The following PCSK6 variants were observed in gnomAD, a reference collection of about 807,000 sequenced individuals.
PCSK6 encodes the protein proprotein convertase subtilisin/kexin type 6.
A neutral mutation model predicts 123.3 loss-of-function variants in PCSK6; 85 were observed. The observed-to-expected ratio is 0.69, with a 90% CI of 0.58 to 0.83. The LOEUF (loss-of-function observed/expected upper bound fraction) is 0.83, where lower values mean the gene tolerates loss of function less well. PCSK6 is among the 40% of genes least tolerant of loss of function. PCSK6 has a pLI of 0.00. For missense variants in PCSK6, 1,191 were observed against 1,282.3 expected (o/e 0.93, Z 1.09); for synonymous variants, 508 against 516.0 (o/e 0.98, Z 0.21).
chr15:101,482,846 GC>G (rs1210638106), intron 1 of PCSK6, among the ~76,000 whole-genome samples: 1 of 152,162 alleles, frequency 6.6e-6, no homozygotes, highest in Non-Finnish European at 1.5e-5. Context: ...TTCTGAGTCT[GC>G]CCTGGATGCT....
At chr15:101,393,701 C>G (rs557365837) in intron 7 of PCSK6, among the ~76,000 whole-genome samples, 5 of 152,296 alleles carry the variant, frequency 3.3e-5, no homozygotes, top group African/African-American at 1.2e-4. Context: ...ACAGGAAAAT[C>G]AAGGGTCCCA....
At chr15:101,338,186 C>A (rs1176182180) in intron 13 of PCSK6, among the ~76,000 whole-genome samples, 1 of 152,204 alleles carries the variant, frequency 6.6e-6, no homozygotes, top group African/African-American at 2.4e-5. Context: ...ATAAGAATCA[C>A]CCCCTCTACA....
At position 101,427,811 on chromosome 15, in the gene PCSK6, T is replaced by C. The variant is rs537840107; in HGVS notation, c.823+81A>G. 3,629 of 1,126,372 alleles carry C rather than the reference T, an allele frequency of 3.2e-3. 118 individuals are homozygous for C. In the South Asian group the frequency reaches 0.047, roughly 15 times the overall value. 69.8% of individuals were successfully genotyped at this position (1,126,372 alleles called of 1,614,324 possible). On this transcript the variant is annotated intron_variant, in intron 6 of 21. Transcript: ENST00000611716. ...TGGCCAAAGCCAAAAAACAGGAGGC[T>C]GCTGAGACCAGCGGACAGGGAGCTC...
rs563775961 is a variant in PCSK6 at position 101,465,606 on chromosome 15, G to A, written c.298-21946C>T. Among the ~76,000 whole-genome samples, 426 of 152,248 alleles carry A rather than the reference G, an allele frequency of 2.8e-3. 3 individuals are homozygous for A. Among genetic ancestry groups the A allele is most frequent in the African/African-American group, 9.2e-3 (384 of 41,544 alleles). On this transcript the variant is annotated intron_variant, in intron 1 of 21. Transcript: ENST00000611716. ...AGCACTAGAGGAGATCTTTCTGACT[G>A]TGGGGTAGGAAGGATTTCTTAAACA...
intron 13 of PCSK6, among the ~76,000 whole-genome samples, chr15:101,333,607 A>G (rs1437746559): frequency 6.6e-6 from 1 of 152,190 alleles, no homozygotes; most frequent in Non-Finnish European, 1.5e-5. Context: ...GCTGGCTCTA[A>G]ATGGCAGCCT....
chr15:101,358,607 C>T (rs928498722), intron 13 of PCSK6, among the ~76,000 whole-genome samples: 2 of 152,216 alleles, frequency 1.3e-5, no homozygotes, highest in African/African-American at 2.4e-5. Flanking sequence ...CAAAATGCAT[C>T]GGAGACATGT....
chr15:101,378,973 G>A (rs1267450322), intron 11 of PCSK6, among the ~76,000 whole-genome samples: 3 of 152,208 alleles, frequency 2.0e-5, no homozygotes, highest in East Asian at 1.9e-4. Context: ...TGGCCTTTCC[G>A]CGCCTTTGGG....
intron 13 of PCSK6, 45 bp from the exon 14 acceptor site, chr15:101,332,076 C>G (rs2040383134): frequency 1.3e-6 from 2 of 1,518,284 alleles, no homozygotes; most frequent in South Asian, 2.5e-5. Flanking sequence ...GTGCCAAGAC[C>G]TCTGTCACTC....
chr15:101,342,028 G>A (rs542973992), intron 13 of PCSK6, among the ~76,000 whole-genome samples: 75 of 149,690 alleles, frequency 5.0e-4, no homozygotes, highest in African/African-American at 1.6e-3. Flanking sequence ...TACTTGGGAG[G>A]CTGAAGCAGG....
At chr15:101,437,833 A>C (rs572127596) in intron 2 of PCSK6, among the ~76,000 whole-genome samples, 192 of 152,210 alleles carry the variant, frequency 1.3e-3, no homozygotes, top group Non-Finnish European at 1.7e-3. Context: ...AGCTTCACCT[A>C]TTGTTAGGGG....
intron 1 of PCSK6, among the ~76,000 whole-genome samples, chr15:101,462,133 C>T (rs181759596): frequency 6.6e-6 from 1 of 152,282 alleles, no homozygotes; most frequent in Admixed American, 6.5e-5. Context: ...AAATAAGGGA[C>T]TTTATTGAAA....
chr15:101,385,568 G>A (rs907012763), intron 9 of PCSK6, among the ~76,000 whole-genome samples: 1 of 152,178 alleles, frequency 6.6e-6, no homozygotes. Flanking sequence ...GGTTTCTGTG[G>A]TACATAAAAA....
rs112791484 is a variant in PCSK6, at chr15:101,401,676, T to C, written c.824-3100A>G. Among the ~76,000 whole-genome samples, 1,221 of 152,324 alleles carry C rather than the reference T, an allele frequency of 8.0e-3. 15 individuals carry two copies. Among genetic ancestry groups the C allele is most frequent in the African/African-American group, 0.028 (1,157 of 41,576 alleles). ...CACACTGCAATGATGACACTTATCA[T>C]ATGTAGAGGGATGTCAAACAAATGA... On this transcript the variant is annotated intron_variant, in intron 6 of 21. Coordinates refer to ENST00000611716, the MANE Select transcript of PCSK6 (RefSeq NM_002570.5).
At chr15:101,314,924 G>C (rs1258891534) in intron 19 of PCSK6, among the ~76,000 whole-genome samples, 1 of 152,166 alleles carries the variant, frequency 6.6e-6, no homozygotes, top group Admixed American at 6.5e-5. Flanking sequence ...CCCCATCACT[G>C]GTCTCTGGGA....
At chr15:101,422,577 A>G (rs1418667164) in intron 6 of PCSK6, among the ~76,000 whole-genome samples, 1 of 152,194 alleles carries the variant, frequency 6.6e-6, no homozygotes, top group Non-Finnish European at 1.5e-5. Flanking sequence ...AAAAAAGAAT[A>G]ATCAGGTCTC....
At chr15:101,463,492 C>T (rs1291022462) in intron 1 of PCSK6, among the ~76,000 whole-genome samples, 3 of 152,214 alleles carry the variant, frequency 2.0e-5, no homozygotes, top group Non-Finnish European at 4.4e-5. Context: ...GGGAACCGGT[C>T]TAGTGACCTT....
intron 13 of PCSK6, among the ~76,000 whole-genome samples, chr15:101,358,617 T>G (rs926762241): frequency 3.9e-5 from 6 of 152,310 alleles, no homozygotes; most frequent in African/African-American, 1.2e-4. Flanking sequence ...CGGAGACATG[T>G]CTGTTAGGAT....
In PCSK6 at chr15:101,451,083, T is replaced by C. The variant is rs76023789; in HGVS notation, c.298-7423A>G. ...GGGTTTACAGAAAGGGCCTCCCCCA[T>C]CATGTCGTTTCTTTAAATGTGAATG... On this transcript the variant is annotated intron_variant, in intron 1 of 21. Transcript: ENST00000611716. Among the ~76,000 whole-genome samples, 19 of 151,830 alleles carry C rather than the reference T, an allele frequency of 1.3e-4. No individual in the cohort carries two copies. The East Asian group carries it at 3.7e-3, about 30-fold the overall frequency.
At position 101,320,739 on chromosome 15, in the gene PCSK6, G is replaced by A. The variant is rs111375418; in HGVS notation, c.2465+1781C>T. On this transcript the variant is annotated intron_variant, in intron 18 of 21. Transcript: ENST00000611716. The stretch of plus-strand genomic sequence containing the variant: ...GATGGAGGGCCAGAGGCGGCGGCTC[G>A]GCTGCTCTCTTGCTGCTTTAACATG... Among the ~76,000 whole-genome samples the A allele has an allele frequency of 4.1e-3, 625 of 152,328 alleles. 4 individuals are homozygous for A. Among genetic ancestry groups the A allele is most frequent in the African/African-American group, 0.014 (602 of 41,568 alleles).
Sources: allele counts gnomAD v4.1 joint callset (sites outside exome capture counted in the v4.1 genomes callset), GRCh38; gene constraint gnomAD v4.1.1; transcripts MANE v1.5; gene names NCBI Gene and HGNC (gene_info 2026-07-23, HGNC 2026-07-21).